Variants in DDX31 observed in about 807,000 individuals in gnomAD.
The protein encoded by DDX31 is ATP-dependent DNA helicase DDX31.
DDX31 carries 70 observed loss-of-function variants against 91.3 expected under a neutral mutation model. The ratio of observed to expected loss-of-function variants is 0.77; its 90% confidence interval spans 0.63 to 0.94. The LOEUF (loss-of-function observed/expected upper bound fraction) is 0.94. Ranked by LOEUF, DDX31 falls within the 40% of genes least tolerant of loss-of-function variation. The pLI, the probability that DDX31 is intolerant of heterozygous loss-of-function variation, is 0.00. For synonymous variants in DDX31, 362 were observed against 350.6 expected, an observed-to-expected ratio of 1.03 and a Z score of -0.36; for missense variants, 902 against 925.0, an observed-to-expected ratio of 0.98 and a Z score of 0.32.
At chr9:132,612,017 C>A in intron 19 of DDX31, 70 bp downstream of exon 19, 1 of 1,548,270 alleles carries the variant, frequency 6.5e-7, no homozygotes, top group Admixed American at 1.8e-5. Flanking sequence ...GTGAGCATGG[C>A]AGCTAGCACA....
intron 3 of DDX31, among the ~76,000 whole-genome samples, 173 bp from the exon 4 acceptor site, chr9:132,661,424 C>T (rs1362160013): frequency 6.6e-6 from 1 of 152,176 alleles, no homozygotes; most frequent in African/African-American, 2.4e-5. Flanking sequence ...GCCCTAACTC[C>T]CTGGGGACAC....
chr9:132,597,256 A>T (rs147073071), intron 19 of DDX31, among the ~76,000 whole-genome samples: 335 of 152,238 alleles, frequency 2.2e-3, no homozygotes, highest in Non-Finnish European at 3.9e-3. Context: ...GTGTCCCTGG[A>T]GGAGGTCCAA....
Position 132,646,849 on chromosome 9 carries a change from C to T in DDX31, c.1177G>A (p.Ala393Thr), listed in dbSNP as rs773828529. Residue 393 changes from alanine to threonine, a missense_variant, in exon 12 of 20, where the codon GCG becomes ACG. Ala to Thr is a moderately conservative substitution (Grantham distance 58). Coordinates refer to ENST00000372159, the MANE Select transcript of DDX31 (RefSeq NM_022779.9). Reference sequence around the variant, plus strand: ...TTGCATTTCTGAAGGATGAAGGCCGCTAGGCAGACAAGCCTCAGTTTGCTG... The same window carrying T: ...TTGCATTTCTGAAGGATGAAGGCCGTTAGGCAGACAAGCCTCAGTTTGCTG... ...VPSKLRLVCLAAFILQKCKFE... is the reference protein window; with the variant it reads ...VPSKLRLVCLTAFILQKCKFE... 3.1e-6 allele frequency: 5 copies of T among 1,614,066 alleles called. No homozygotes were observed. The highest frequency in any genetic ancestry group is 4.2e-6 in the Non-Finnish European group (5 of 1,179,976).
chr9:132,618,578 C>A, intron 17 of DDX31, 137 bp from the exon 18 acceptor site: 1 of 628,474 alleles, frequency 1.6e-6, no homozygotes, highest in Non-Finnish European at 2.6e-6. Flanking sequence ...TTCAATATTA[C>A]TAGGAAAAAA....
chr9:132,642,796 T>A (rs1372020116), intron 13 of DDX31, among the ~76,000 whole-genome samples: 1 of 151,930 alleles, frequency 6.6e-6, no homozygotes, highest in Non-Finnish European at 1.5e-5. Context: ...ATTATTTACG[T>A]GACCAATGTT....
chr9:132,617,010 G>C (rs1360602074), intron 18 of DDX31, among the ~76,000 whole-genome samples: 3 of 152,156 alleles, frequency 2.0e-5, no homozygotes, highest in African/African-American at 7.2e-5. Flanking sequence ...CCCCGCTAGA[G>C]TCTATTCTCA....
chr9:132,597,260 G>T (rs1830481886), intron 19 of DDX31, among the ~76,000 whole-genome samples: 1 of 152,178 alleles, frequency 6.6e-6, no homozygotes, highest in Admixed American at 6.5e-5. Context: ...CCCTGGAGGA[G>T]GTCCAAGCTG....
intron 17 of DDX31, among the ~76,000 whole-genome samples, chr9:132,623,489 G>T (rs1325871501): frequency 7.2e-6 from 1 of 138,784 alleles, no homozygotes; most frequent in African/African-American, 2.8e-5. Flanking sequence ...GGAGGCAGAG[G>T]TTGTAGTGAG....
chr9:132,593,149 A>G lies in DDX31; in HGVS notation c.*1717T>C, dbSNP rs1026343888. The G allele has an allele frequency of 2.0e-5, 3 of 152,218 alleles. No individual in the cohort carries two copies. Among genetic ancestry groups the G allele is most frequent in the African/African-American group, 4.8e-5 (2 of 41,442 alleles). 9.4% of individuals were successfully genotyped at this position (152,218 alleles called of 1,614,324 possible). ...GCATCTATGGCAAGAAACCCTCACC[A>G]TAAGAGTTAGCAGATTAAGTGTGTA... On this transcript the variant is annotated 3_prime_UTR_variant, in exon 20 of 20. Transcript: ENST00000372159.
At chr9:132,610,375 CTGTT>C (rs1831254316) in intron 19 of DDX31, among the ~76,000 whole-genome samples, 1 of 152,194 alleles carries the variant, frequency 6.6e-6, no homozygotes, top group Non-Finnish European at 1.5e-5. Context: ...GAAACAGTTT[CTGTT>C]TGTTTTTCCT....
chr9:132,669,766 C>G, intron 1 of DDX31, 94 bp downstream of exon 1: 10 of 1,521,276 alleles, frequency 6.6e-6, no homozygotes, highest in Non-Finnish European at 8.8e-6. Context: ...CCGTGAATGA[C>G]TCGAAACCCG....
intron 1 of DDX31, among the ~76,000 whole-genome samples, chr9:132,666,280 A>G (rs147190170): frequency 6.6e-6 from 1 of 152,112 alleles, no homozygotes; most frequent in East Asian, 1.9e-4. Flanking sequence ...CAATTTGTAC[A>G]GTTTTGCACC....
chr9:132,661,716 A>T (rs538250865), intron 3 of DDX31, among the ~76,000 whole-genome samples: 1 of 152,168 alleles, frequency 6.6e-6, no homozygotes. Flanking sequence ...AAAAGTTAAT[A>T]TATTTTTTTC....
At chr9:132,662,223 A>G in intron 3 of DDX31, 38 bp downstream of exon 3, 1 of 1,598,054 alleles carries the variant, frequency 6.3e-7, no homozygotes, top group Non-Finnish European at 8.5e-7. Context: ...CAAACACACC[A>G]AAAAAAACTG....
At position 132,626,261 on chromosome 9, in the gene DDX31, C is replaced by T. The variant is rs567887520; in HGVS notation, c.1632-516G>A. 6.6e-5 allele frequency among the ~76,000 whole-genome samples: 10 copies of T among 152,348 alleles called. 1 individual carries two copies. In the South Asian group the frequency reaches 1.9e-3, roughly 28 times the overall value. On this transcript the variant is annotated intron_variant, in intron 16 of 19. Transcript: ENST00000372159. Reference sequence around the variant, plus strand: ...GCAGCACTGGCCTTTCTTCTTCTACCCTGGAGGAGCTTCACTCCCCCATCT... The same window carrying T: ...GCAGCACTGGCCTTTCTTCTTCTACTCTGGAGGAGCTTCACTCCCCCATCT...
intron 19 of DDX31, among the ~76,000 whole-genome samples, chr9:132,610,298 T>C (rs540432396): frequency 3.9e-5 from 6 of 152,286 alleles, no homozygotes; most frequent in African/African-American, 9.6e-5. Context: ...AACCTCAAAA[T>C]GGCCTAGAAG....
rs772270956 is a variant in DDX31, at chr9:132,669,262, C to CA, written c.75+597_75+598insT. On this transcript the variant is annotated intron_variant, in intron 1 of 19. Coordinates refer to ENST00000372159, the MANE Select transcript of DDX31 (RefSeq NM_022779.9). ...GCAAATGTCCACCCCGCCCGCCCCC[C>CA]CCAAAGAACAGCTTTGCAAAGCCAT... Among the ~76,000 whole-genome samples, 203 of 139,928 alleles carry CA rather than the reference C, an allele frequency of 1.5e-3. 1 individual carries two copies. Among genetic ancestry groups the CA allele is most frequent in the Middle Eastern group, 3.5e-3 (1 of 282 alleles). The allele number at this position is 139,928 out of a possible 152,430, so 91.8% of individuals were successfully genotyped here. A position where few individuals can be genotyped will look rare whatever the true frequency, so the allele number is the denominator to read the frequency against.
chr9:132,669,855 C>T lies in DDX31; in HGVS notation c.75+5G>A. 6.3e-7 allele frequency: 1 copy of T among 1,578,268 alleles called. No individual in the cohort carries two copies. The highest frequency in any genetic ancestry group is 8.6e-7 in the Non-Finnish European group (1 of 1,164,210). ...GGACGGAGCTGAAGCCGGGTCAGAA[C>T]TCACCCGACTCGCCTGGGCTGGGGG... On this transcript the variant is annotated splice_donor_5th_base_variant and intron_variant, in intron 1 of 19. Coordinates refer to ENST00000372159, the MANE Select transcript of DDX31 (RefSeq NM_022779.9).
intron 14 of DDX31, 148 bp from the exon 15 acceptor site, chr9:132,632,239 TGTACACACACACACACACACACAC>T (rs549420574): frequency 0.072 from 3,869 of 53,444 alleles, 424 homozygotes; most frequent in African/African-American, 0.13. Context: ...GCCCAGTACG[TGTACACACACACACACACACACAC>T]ACACACACAC....
Sources: allele counts gnomAD v4.1 joint callset (sites outside exome capture counted in the v4.1 genomes callset), GRCh38; gene constraint gnomAD v4.1.1; transcripts MANE v1.5; gene names NCBI Gene and HGNC (gene_info 2026-07-23, HGNC 2026-07-21).